The following PAX5 variants were observed in gnomAD, a reference collection of about 807,000 sequenced individuals.
PAX5 encodes paired box 5.
PAX5 carries 9 observed loss-of-function variants against 43.7 expected under a neutral mutation model. The observed-to-expected ratio is 0.21, with a 90% CI of 0.12 to 0.36. The LOEUF is 0.36. PAX5 is among the 10% of genes least tolerant of loss of function. PAX5 has a pLI of 1.00. For missense variants in PAX5, 383 were observed against 532.7 expected, an observed-to-expected ratio of 0.72 and a Z score of 2.77; for synonymous variants, 228 against 214.3, an observed-to-expected ratio of 1.06 and a Z score of -0.56.
intron 5 of PAX5, among the ~76,000 whole-genome samples, chr9:36,970,234 G>A (rs1834822422): frequency 6.6e-6 from 1 of 152,168 alleles, no homozygotes; most frequent in African/African-American, 2.4e-5. Context: ...GAGGAATCAG[G>A]GAAGTCTCCA....
Position 37,015,869 on chromosome 9 carries a change from C to A in PAX5, c.213-675G>T, listed in dbSNP as rs2132476172. 6.6e-6 allele frequency among the ~76,000 whole-genome samples: 1 copy of A among 152,354 alleles called. No homozygotes were observed. Among genetic ancestry groups the A allele is most frequent in the South Asian group, 2.1e-4 (1 of 4,828 alleles). On this transcript the variant is annotated intron_variant, in intron 2 of 9. Coordinates refer to ENST00000358127, the MANE Select transcript of PAX5 (RefSeq NM_016734.3). The surrounding 1 kb of genome is among the most constrained non-coding windows in gnomAD (Gnocchi z 4.4). The stretch of plus-strand genomic sequence containing the variant: ...TGCTGGGATTACAGGCATGAGCCAC[C>A]ACGCCCGGCCAGTCTCTCATTGTAT...
At chr9:37,011,488 G>A (rs545398619) in intron 3 of PAX5, among the ~76,000 whole-genome samples, 1 of 152,262 alleles carries the variant, frequency 6.6e-6, no homozygotes, top group South Asian at 2.1e-4. Context: ...TGCTGGAATA[G>A]AAGAAGGAAG....
intron 7 of PAX5, among the ~76,000 whole-genome samples, chr9:36,898,661 G>C (rs1023843938): frequency 6.6e-6 from 1 of 152,210 alleles, no homozygotes; most frequent in Admixed American, 6.5e-5. Context: ...CATTATGCGC[G>C]AGATGGGATC....
chr9:36,880,174 G>T (rs1826276683), intron 8 of PAX5, among the ~76,000 whole-genome samples: 1 of 152,266 alleles, frequency 6.6e-6, no homozygotes, highest in Non-Finnish European at 1.5e-5. Flanking sequence ...GCCAGGATGT[G>T]GCCATAGGGG....
In PAX5 at chr9:36,913,623, A is replaced by C. The variant is rs925676718; in HGVS notation, c.910+9732T>G. Among the ~76,000 whole-genome samples, 3 of 152,344 alleles carry C rather than the reference A, an allele frequency of 2.0e-5. 1 individual carries two copies. In the East Asian group the frequency reaches 5.8e-4, roughly 29 times the overall value. Reference sequence around the variant, plus strand: ...AGGCTGGCCATGTCACCAGTTTGCAAATGGTGAGCAGTTTCAGAACTGTGG... The same window carrying C: ...AGGCTGGCCATGTCACCAGTTTGCACATGGTGAGCAGTTTCAGAACTGTGG... On this transcript the variant is annotated intron_variant, in intron 7 of 9. Transcript: ENST00000358127.
chr9:36,866,727 G>A (rs1824923192), intron 8 of PAX5, among the ~76,000 whole-genome samples: 2 of 152,172 alleles, frequency 1.3e-5, no homozygotes, highest in African/African-American at 4.8e-5. Flanking sequence ...CTCCCCCTCT[G>A]ACTTGCCATA....
At chr9:36,872,907 C>T (rs1264711157) in intron 8 of PAX5, among the ~76,000 whole-genome samples, 1 of 152,174 alleles carries the variant, frequency 6.6e-6, no homozygotes, top group Non-Finnish European at 1.5e-5. Context: ...GTGACTGGGA[C>T]CCTTCTTCCC....
chr9:36,985,616 A>T (rs1015467410), intron 5 of PAX5, among the ~76,000 whole-genome samples: 7 of 152,198 alleles, frequency 4.6e-5, no homozygotes, highest in Non-Finnish European at 8.8e-5. Flanking sequence ...AGCCATCTCC[A>T]TGAGGCAGCC....
In PAX5 at chr9:37,015,311, A is replaced by G. The variant is rs1325794225; in HGVS notation, c.213-117T>C. 1 of 779,590 alleles carries G rather than the reference A, an allele frequency of 1.3e-6. No homozygotes were observed. Among genetic ancestry groups the G allele is most frequent in the Non-Finnish European group, 2.1e-6 (1 of 470,668 alleles). 48.3% of individuals were successfully genotyped at this position (779,590 alleles called of 1,614,324 possible). ...CCGGATCTGCACGTTCCAATACAGT[A>G]GCCACCAGCCAGATGCGGCTTTTGA... On this transcript the variant is annotated intron_variant, in intron 2 of 9. Coordinates refer to ENST00000358127, the MANE Select transcript of PAX5 (RefSeq NM_016734.3). The surrounding 1 kb of genome is among the most constrained non-coding windows in gnomAD (Gnocchi z 4.4).
intron 8 of PAX5, among the ~76,000 whole-genome samples, chr9:36,855,910 G>A (rs1587769524): frequency 1.3e-5 from 2 of 152,218 alleles, no homozygotes; most frequent in Admixed American, 1.3e-4. Context: ...CCTCCTCCAG[G>A]AAGGCTTTCT....
At chr9:36,988,662 CAAAAAAAA>C (rs139552622) in intron 5 of PAX5, among the ~76,000 whole-genome samples, 29 of 103,532 alleles carry the variant, frequency 2.8e-4, no homozygotes, top group Admixed American at 1.1e-3. Flanking sequence ...GACCCTGTCT[CAAAAAAAA>C]AAAAAAAAAA....
At chr9:36,944,576 A>G (rs1832341746) in intron 6 of PAX5, among the ~76,000 whole-genome samples, 1 of 152,188 alleles carries the variant, frequency 6.6e-6, no homozygotes, top group African/African-American at 2.4e-5. Flanking sequence ...ACGACCTCAC[A>G]GAGTCCATGA....
intron 5 of PAX5, among the ~76,000 whole-genome samples, chr9:36,988,439 T>C (rs563453506): frequency 7.6e-4 from 116 of 152,148 alleles, no homozygotes; most frequent in Non-Finnish European, 1.4e-3. Flanking sequence ...GGCAGGAGGA[T>C]TGCTTGAGCC....
intron 7 of PAX5, among the ~76,000 whole-genome samples, chr9:36,888,085 A>C (rs1470179344): frequency 6.6e-6 from 1 of 152,266 alleles, no homozygotes; most frequent in Admixed American, 6.5e-5. Context: ...ACACCACTTC[A>C]TACCCACTGG....
At chr9:36,859,455 A>G (rs1207546250) in intron 8 of PAX5, among the ~76,000 whole-genome samples, 1 of 152,040 alleles carries the variant, frequency 6.6e-6, no homozygotes, top group African/African-American at 2.4e-5. Flanking sequence ...AAAAGCTCCC[A>G]GGGCCTCTCC....
chr9:37,025,396 G>A (rs1309877880), intron 1 of PAX5, among the ~76,000 whole-genome samples: 1 of 146,222 alleles, frequency 6.8e-6, no homozygotes, highest in Non-Finnish European at 1.5e-5. Flanking sequence ...CTGCGGCTAG[G>A]AAAGCTGGAT....
chr9:36,995,110 C>T (rs1837283028), intron 5 of PAX5, among the ~76,000 whole-genome samples: 1 of 152,222 alleles, frequency 6.6e-6, no homozygotes, highest in African/African-American at 2.4e-5. Context: ...GAGGCCAAGA[C>T]AAAATGGTGG....
At chr9:36,985,464 A>G (rs1836311941) in intron 5 of PAX5, among the ~76,000 whole-genome samples, 1 of 152,212 alleles carries the variant, frequency 6.6e-6, no homozygotes, top group African/African-American at 2.4e-5. Context: ...AGAGAAGTCC[A>G]TTCCCTCACT....
At chr9:37,004,011 T>A (rs952045786) in intron 4 of PAX5, among the ~76,000 whole-genome samples, 3 of 152,258 alleles carry the variant, frequency 2.0e-5, no homozygotes, top group Non-Finnish European at 2.9e-5. Flanking sequence ...GTGCTATTAT[T>A]TATCCCCATT....
Sources: allele counts gnomAD v4.1 joint callset (sites outside exome capture counted in the v4.1 genomes callset), GRCh38; gene constraint gnomAD v4.1.1; non-coding constraint Gnocchi (gnomAD v3.1); transcripts MANE v1.5; gene names NCBI Gene and HGNC (gene_info 2026-07-23, HGNC 2026-07-21).